Variants in CTNNA2 observed in about 807,000 individuals in gnomAD.
CTNNA2 encodes catenin alpha-2.
CTNNA2 carries 42 observed loss-of-function variants against 101.0 expected under a neutral mutation model. The ratio of observed to expected loss-of-function variants is 0.42; its 90% confidence interval spans 0.32 to 0.54. The LOEUF (loss-of-function observed/expected upper bound fraction) is 0.54, where lower values mean the gene tolerates loss of function less well. Among genes scored for constraint, CTNNA2 ranks in the 20% least tolerant of loss-of-function variants. The pLI, the probability that CTNNA2 is intolerant of heterozygous loss-of-function variation, is 0.14. For missense variants in CTNNA2, 871 were observed against 1,223.1 expected (o/e 0.71, Z 4.29); for synonymous variants, 450 against 456.4 (o/e 0.99, Z 0.18).
intron 7 of CTNNA2, among the ~76,000 whole-genome samples, chr2:80,135,316 G>A (rs555556252): frequency 2.0e-5 from 3 of 152,166 alleles, no homozygotes; most frequent in Admixed American, 6.5e-5. Context: ...AGATGTCAGC[G>A]GCTCAAAAGC....
chr2:80,630,928 T>C (rs1037470127), intron 18 of CTNNA2, among the ~76,000 whole-genome samples: 1 of 152,260 alleles, frequency 6.6e-6, no homozygotes, highest in East Asian at 1.9e-4. Context: ...TTAGCATTCG[T>C]TTTTTAAAAG....
chr2:79,289,342 T>C (rs1289784362), intron 2 of CTNNA2, among the ~76,000 whole-genome samples: 1 of 152,186 alleles, frequency 6.6e-6, no homozygotes, highest in African/African-American at 2.4e-5. Flanking sequence ...TAGGTAAATA[T>C]AGATTTAATG....
intron 7 of CTNNA2, among the ~76,000 whole-genome samples, chr2:80,352,917 T>TA (rs371879540): frequency 5.6e-4 from 82 of 146,420 alleles, no homozygotes; most frequent in South Asian, 8.6e-4. Flanking sequence ...GAGGTTACTT[T>TA]AAAAAAAAAA....
intron 7 of CTNNA2, among the ~76,000 whole-genome samples, chr2:80,102,456 C>T (rs1037526192): frequency 1.3e-5 from 2 of 152,172 alleles, no homozygotes; most frequent in African/African-American, 4.8e-5. Context: ...TAGGCAAGGC[C>T]TGCCCTATTT....
chr2:80,640,003 G>A (rs1173475440), intron 18 of CTNNA2, among the ~76,000 whole-genome samples: 2 of 152,064 alleles, frequency 1.3e-5, no homozygotes, highest in Non-Finnish European at 2.9e-5. Context: ...TCAGGAGGCT[G>A]AGGTAGGAGA....
intron 7 of CTNNA2, among the ~76,000 whole-genome samples, chr2:79,986,569 C>T (rs1691778367): frequency 6.6e-6 from 1 of 152,094 alleles, no homozygotes; most frequent in Non-Finnish European, 1.5e-5. Context: ...GTTGCTTCTG[C>T]AGGAAGTTTT....
intron 7 of CTNNA2, among the ~76,000 whole-genome samples, chr2:80,032,447 G>T (rs1208094304): frequency 6.6e-6 from 1 of 152,044 alleles, no homozygotes; most frequent in African/African-American, 2.4e-5. Context: ...ATGTACAAAG[G>T]TAAAATTTCT....
At chr2:80,286,132 C>T (rs576077354) in intron 7 of CTNNA2, among the ~76,000 whole-genome samples, 3 of 152,112 alleles carry the variant, frequency 2.0e-5, no homozygotes, top group African/African-American at 7.2e-5. Context: ...CACATGGTCC[C>T]TTGAATGCAG....
At chr2:79,662,098 A>G (rs1682076644) in intron 2 of CTNNA2, among the ~76,000 whole-genome samples, 1 of 151,810 alleles carries the variant, frequency 6.6e-6, no homozygotes, top group Non-Finnish European at 1.5e-5. Context: ...AGATGTTTAG[A>G]GTAAGGATTT....
chr2:79,234,667 T>C (rs768224069), intron 2 of CTNNA2, among the ~76,000 whole-genome samples: 9 of 152,216 alleles, frequency 5.9e-5, no homozygotes, highest in Non-Finnish European at 8.8e-5. Context: ...GGAATGCCCA[T>C]GAGTTGTAGA....
intron 7 of CTNNA2, among the ~76,000 whole-genome samples, chr2:79,924,647 A>G (rs1053537284): frequency 2.0e-5 from 3 of 152,112 alleles, no homozygotes; most frequent in Non-Finnish European, 4.4e-5. Context: ...TTGTACCCTA[A>G]CTTGACCAAG....
chr2:80,277,354 C>T (rs1043427437), intron 7 of CTNNA2, among the ~76,000 whole-genome samples: 3 of 152,048 alleles, frequency 2.0e-5, no homozygotes, highest in Non-Finnish European at 4.4e-5. Context: ...TCTCTAGTCC[C>T]TTTTCCCTTC....
At chr2:80,125,472 G>A (rs928810527) in intron 7 of CTNNA2, among the ~76,000 whole-genome samples, 3 of 152,204 alleles carry the variant, frequency 2.0e-5, no homozygotes, top group East Asian at 3.9e-4. Context: ...TCATTTGGCC[G>A]CCCACATGGA....
chr2:79,389,623 A>T (rs1260114160), intron 4 of CTNNA2, among the ~76,000 whole-genome samples: 1 of 152,216 alleles, frequency 6.6e-6, no homozygotes, highest in Non-Finnish European at 1.5e-5. Context: ...AAGTCATATG[A>T]GTGTCATGCA....
chr2:80,125,254 G>A (rs1165941180), intron 7 of CTNNA2, among the ~76,000 whole-genome samples: 1 of 152,134 alleles, frequency 6.6e-6, no homozygotes, highest in Non-Finnish European at 1.5e-5. Flanking sequence ...GAGGTGACAA[G>A]TCTGGGCTCA....
At chr2:79,431,019 G>T (rs1438403866) in intron 4 of CTNNA2, among the ~76,000 whole-genome samples, 1 of 152,150 alleles carries the variant, frequency 6.6e-6, no homozygotes, top group East Asian at 1.9e-4. Flanking sequence ...ATTGCTGGAA[G>T]AATGAGGTTG....
intron 2 of CTNNA2, among the ~76,000 whole-genome samples, chr2:79,214,784 G>A (rs555537955): frequency 1.4e-4 from 21 of 152,112 alleles, no homozygotes; most frequent in Middle Eastern, 3.4e-3. Context: ...AAAATATCTC[G>A]GCCTAATAAG....
intron 2 of CTNNA2, among the ~76,000 whole-genome samples, chr2:79,307,878 TG>T (rs1318360979): frequency 1.3e-5 from 2 of 152,198 alleles, no homozygotes; most frequent in Non-Finnish European, 2.9e-5. Flanking sequence ...CACCAACATT[TG>T]TTTTTTTTCT....
In CTNNA2 at chr2:79,736,074, T is replaced by C. The variant is rs59158009; in HGVS notation, c.103-8313T>C. The stretch of plus-strand genomic sequence containing the variant: ...CCTATTGTAGTAGTTTCTATTGTAG[T>C]AGTTTCTGTGAAAGTTTTATCTTAG... On this transcript the variant is annotated intron_variant, in intron 2 of 18. Coordinates refer to ENST00000402739, the MANE Select transcript of CTNNA2 (RefSeq NM_001282597.3). Among the ~76,000 whole-genome samples, 1,419 of 152,324 alleles carry C rather than the reference T, an allele frequency of 9.3e-3. 28 individuals are homozygous for C. Among genetic ancestry groups the C allele is most frequent in the African/African-American group, 0.032 (1,324 of 41,586 alleles).
Sources: gnomAD v4.1 joint callset for allele counts (sites outside exome capture counted in the v4.1 genomes callset) on GRCh38, gnomAD v4.1.1 for gene constraint, MANE v1.5 for transcripts, NCBI Gene and HGNC (gene_info 2026-07-23, HGNC 2026-07-21) for gene names.